The following ITGA11 variants were observed in gnomAD, a reference collection of about 807,000 sequenced individuals.
The protein encoded by ITGA11 is integrin subunit alpha 11.
Under a neutral mutation model 141.9 loss-of-function variants are expected in ITGA11, and 97 were observed. The observed-to-expected ratio is 0.68, with a 90% CI of 0.58 to 0.81. The LOEUF (loss-of-function observed/expected upper bound fraction) is 0.81. Among genes scored for constraint, ITGA11 ranks in the 30% least tolerant of loss-of-function variants. ITGA11 has a pLI of 0.00. For synonymous variants in ITGA11, 658 were observed against 624.6 expected (o/e 1.05, Z -0.80); for missense variants, 1,387 against 1,559.2 (o/e 0.89, Z 1.86).
At chr15:68,366,396 G>A (rs1332521958) in intron 3 of ITGA11, among the ~76,000 whole-genome samples, 4 of 152,086 alleles carry the variant, frequency 2.6e-5, no homozygotes, top group Non-Finnish European at 5.9e-5. Flanking sequence ...ACCGTGTGAC[G>A]TTTCATCCCG....
chr15:68,319,554 AG>A (rs549481420), intron 20 of ITGA11, among the ~76,000 whole-genome samples: 11 of 152,314 alleles, frequency 7.2e-5, no homozygotes, highest in African/African-American at 2.6e-4. Flanking sequence ...TGCCACAATG[AG>A]GAGCCTGGAG....
At chr15:68,398,041 G>A (rs1896365716) in intron 2 of ITGA11, among the ~76,000 whole-genome samples, 4 of 151,176 alleles carry the variant, frequency 2.6e-5, no homozygotes, top group African/African-American at 7.3e-5. Context: ...ACCAGCCGCT[G>A]CAAAATCATG....
chr15:68,427,244 G>A (rs539092624), intron 1 of ITGA11, among the ~76,000 whole-genome samples: 1 of 152,268 alleles, frequency 6.6e-6, no homozygotes, highest in South Asian at 2.1e-4. Flanking sequence ...TTAAATGATG[G>A]GAAGAGTAAT....
chr15:68,371,728 AAAAG>A (rs974253067), intron 2 of ITGA11, among the ~76,000 whole-genome samples: 91 of 152,096 alleles, frequency 6.0e-4, no homozygotes, highest in African/African-American at 2.1e-3. Flanking sequence ...GGGGAAAAGA[AAAAG>A]AAAGAAAGGC....
Position 68,299,550 on chromosome 15 carries a change from A to G in ITGA11, c.*3509T>C, listed in dbSNP as rs1892979838. 6.6e-6 allele frequency: 1 copy of G among 152,152 alleles called. No individual in the cohort carries two copies. Among genetic ancestry groups the G allele is most frequent in the South Asian group, 2.1e-4 (1 of 4,818 alleles). The allele number at this position is 152,152 out of a possible 1,614,324, so 9.4% of individuals were successfully genotyped here. On this transcript the variant is annotated 3_prime_UTR_variant, in exon 30 of 30. Coordinates refer to ENST00000315757, the MANE Select transcript of ITGA11 (RefSeq NM_001004439.2). ...ACCATTCATACTAATGGCTGTATTT[A>G]AGTCACCCAAGGCACATTTGGGTGG...
intron 10 of ITGA11, among the ~76,000 whole-genome samples, chr15:68,345,948 T>C (rs1163818043): frequency 3.9e-5 from 6 of 152,070 alleles, no homozygotes; most frequent in Non-Finnish European, 5.9e-5. Flanking sequence ...GCTTGCACCA[T>C]TCCTGTGCAT....
At chr15:68,409,118 A>G (rs1273488098) in intron 1 of ITGA11, among the ~76,000 whole-genome samples, 1 of 146,986 alleles carries the variant, frequency 6.8e-6, no homozygotes, top group Non-Finnish European at 1.5e-5. Flanking sequence ...GCTTTTGCCC[A>G]TGCTGTTCAC....
chr15:68,341,856 A>G (rs1253232792), intron 10 of ITGA11, among the ~76,000 whole-genome samples: 1 of 152,186 alleles, frequency 6.6e-6, no homozygotes, highest in African/African-American at 2.4e-5. Flanking sequence ...GATTCTCCCT[A>G]TGGGAGCTTG....
In ITGA11 at chr15:68,419,918, T is replaced by C. The variant is rs149910947; in HGVS notation, c.52+12097A>G. Among the ~76,000 whole-genome samples, 1,053 of 152,304 alleles carry C rather than the reference T, an allele frequency of 6.9e-3. 16 individuals carry two copies. The highest frequency in any genetic ancestry group is 0.023 in the African/African-American group (965 of 41,558). On this transcript the variant is annotated intron_variant, in intron 1 of 29. Coordinates refer to ENST00000315757, the MANE Select transcript of ITGA11 (RefSeq NM_001004439.2). The stretch of plus-strand genomic sequence containing the variant: ...TGTTAGCTAGTATTACTGTTGCCAT[T>C]AAGTGTCGAGACCAGTGTTGAAACC...
At chr15:68,319,635 A>C (rs1231513998) in intron 20 of ITGA11, among the ~76,000 whole-genome samples, 1 of 152,244 alleles carries the variant, frequency 6.6e-6, no homozygotes, top group Non-Finnish European at 1.5e-5. Flanking sequence ...GATTCTTGTC[A>C]GAAGGACCTT....
Position 68,321,276 on chromosome 15 carries a change from G to C in ITGA11, c.2408+142C>G, listed in dbSNP as rs1251612071. The C allele has an allele frequency of 8.4e-6, 4 of 476,566 alleles. No homozygotes were observed. The highest frequency in any genetic ancestry group is 8.2e-5 in the African/African-American group (4 of 48,968). 29.5% of individuals were successfully genotyped at this position (476,566 alleles called of 1,614,324 possible). A position where few individuals can be genotyped will look rare whatever the true frequency, so the allele number is the denominator to read the frequency against. ...GGAGTTGGTGGCAGAGCCTGGGCTAGAACGCAGGCTCCAAGTGCAATGTTT... is the reference window on the plus strand; with the variant it reads ...GGAGTTGGTGGCAGAGCCTGGGCTACAACGCAGGCTCCAAGTGCAATGTTT... On this transcript the variant is annotated intron_variant, in intron 19 of 29. Coordinates refer to ENST00000315757, the MANE Select transcript of ITGA11 (RefSeq NM_001004439.2). The surrounding 1 kb of genome is among the most constrained non-coding windows in gnomAD (Gnocchi z 4.9).
At chr15:68,397,180 T>A (rs1234062694) in intron 2 of ITGA11, among the ~76,000 whole-genome samples, 66 of 70 alleles carry the variant, frequency 0.94, 33 homozygotes, top group African/African-American at 1. Context: ...ATTTTATATA[T>A]TATATAATAT....
At chr15:68,327,626 A>G (rs905053237) in intron 16 of ITGA11, among the ~76,000 whole-genome samples, 1 of 152,168 alleles carries the variant, frequency 6.6e-6, no homozygotes, top group Non-Finnish European at 1.5e-5. Context: ...ACTTAGCTGG[A>G]AGTGATGGAC....
chr15:68,353,347 C>T (rs906059682), intron 7 of ITGA11, among the ~76,000 whole-genome samples: 9 of 152,274 alleles, frequency 5.9e-5, no homozygotes, highest in East Asian at 1.9e-4. Context: ...TGCAGAGGCA[C>T]GTGCCACATG....
At chr15:68,312,884 G>A (rs746024298) in intron 23 of ITGA11, 21 bp from the exon 24 acceptor site, 2 of 1,543,200 alleles carry the variant, frequency 1.3e-6, no homozygotes, top group South Asian at 2.2e-5. Context: ...AGAGGACAGG[G>A]CTGTCGTGAG....
chr15:68,357,816 GGTTT>G (rs1417180557), intron 6 of ITGA11, among the ~76,000 whole-genome samples: 1 of 152,102 alleles, frequency 6.6e-6, no homozygotes, highest in Non-Finnish European at 1.5e-5. Flanking sequence ...GAGCCCACAG[GGTTT>G]ATTTGGCACA....
At chr15:68,348,671 A>G (rs898777616) in intron 10 of ITGA11, among the ~76,000 whole-genome samples, 159 bp downstream of exon 10, 1 of 152,348 alleles carries the variant, frequency 6.6e-6, no homozygotes, top group East Asian at 1.9e-4. Context: ...TCCAGCCCAC[A>G]GAAGATGGGA....
At chr15:68,350,873 T>TCTA in intron 8 of ITGA11, 91 bp from the exon 9 acceptor site, 3 of 1,374,332 alleles carry the variant, frequency 2.2e-6, no homozygotes, top group Non-Finnish European at 3.0e-6. Context: ...GACCCCAGGG[T>TCTA]GGGCTGGAGC....
At position 68,333,106 on chromosome 15, in the gene ITGA11, C is replaced by CT. The variant is rs3084602; in HGVS notation, c.1426-629dup. Among the ~76,000 whole-genome samples, 29,684 of 148,486 alleles carry CT rather than the reference C, an allele frequency of 0.2. 6,474 individuals carry two copies. Among genetic ancestry groups the CT allele is most frequent in the African/African-American group, 0.55 (22,186 of 40,636 alleles). On this transcript the variant is annotated intron_variant, in intron 12 of 29. Transcript: ENST00000315757. This position sits in a 1 kb window ranked among gnomAD's most constrained non-coding sequence, Gnocchi z 4.2. ...TAATCAGTTATTGCTGGACGGTTAGCTTTTTTTTTTTGAGGCAAGGTTTTG... is the reference window on the plus strand; with the variant it reads ...TAATCAGTTATTGCTGGACGGTTAGCTTTTTTTTTTTTGAGGCAAGGTTTTG...
Sources: gnomAD v4.1 joint callset for allele counts (sites outside exome capture counted in the v4.1 genomes callset) on GRCh38, gnomAD v4.1.1 for gene constraint, Gnocchi (gnomAD v3.1) non-coding constraint, MANE v1.5 for transcripts, NCBI Gene and HGNC (gene_info 2026-07-23, HGNC 2026-07-21) for gene names.